LAMB1: variants seen among roughly 807,000 people sequenced by gnomAD.
The protein encoded by LAMB1 is laminin subunit beta-1.
Under a neutral mutation model 222.3 loss-of-function variants are expected in LAMB1, and 121 were observed. That is an observed-to-expected ratio of 0.54 (90% CI 0.47 to 0.63). The LOEUF is 0.63. Among genes scored for constraint, LAMB1 ranks in the 30% least tolerant of loss-of-function variants. The probability of loss-of-function intolerance (pLI) is 0.00; values close to 1 mark genes in which losing one functional copy is unlikely to be tolerated. For missense variants in LAMB1, 2,172 were observed against 2,240.8 expected (o/e 0.97, Z 0.62); for synonymous variants, 794 against 807.2 (o/e 0.98, Z 0.28).
At chr7:107,977,885 G>C (rs1194459901) in intron 9 of LAMB1, among the ~76,000 whole-genome samples, 162 bp downstream of exon 9, 1 of 152,204 alleles carries the variant, frequency 6.6e-6, no homozygotes, top group Non-Finnish European at 1.5e-5. Flanking sequence ...TTAATTAACT[G>C]AATGCAGATT....
intron 14 of LAMB1, 115 bp downstream of exon 14, chr7:107,964,437 T>C (rs944477504): frequency 8.3e-6 from 10 of 1,201,878 alleles, no homozygotes; most frequent in Middle Eastern, 2.0e-4. Context: ...CCTTATTTTG[T>C]GCTCACTGAC....
rs1419195003 is a variant in LAMB1, at chr7:107,975,263, A to T, written c.1340T>A (p.Leu447Ter). ...CDVCKEGFYD[L>*]SSEDPFGCKS... ...ACAACCAAATGGATCTTCACTGCTTAAATCATAGAAGCCTTCTTTGCAAAC... is the reference window on the plus strand; with the variant it reads ...ACAACCAAATGGATCTTCACTGCTTTAATCATAGAAGCCTTCTTTGCAAAC... The change falls in exon 11 of 34, where the codon TTA becomes TAA. Residue 447 changes from leucine (L) to a stop codon, truncating the protein, a stop_gained. Coordinates refer to ENST00000222399, the MANE Select transcript of LAMB1 (RefSeq NM_002291.3). LOFTEE classifies it high-confidence loss of function. 1 of 1,613,976 alleles carries T rather than the reference A, an allele frequency of 6.2e-7. No individual in the cohort carries two copies. The highest frequency in any genetic ancestry group is 8.5e-7 in the Non-Finnish European group (1 of 1,179,920).
At chr7:107,951,955 C>T in intron 23 of LAMB1, 54 bp downstream of exon 23, 4 of 1,483,172 alleles carry the variant, frequency 2.7e-6, no homozygotes, top group Non-Finnish European at 3.7e-6. Flanking sequence ...GCAAAGTCAC[C>T]ATGGGCTGAC....
rs1452253565 is a variant in LAMB1 at position 107,986,160 on chromosome 7, C to T, written c.612+15G>A. 1 of 1,612,964 alleles carries T rather than the reference C, an allele frequency of 6.2e-7. No individual in the cohort carries two copies. The highest frequency in any genetic ancestry group is 1.3e-5 in the African/African-American group (1 of 74,888). On this transcript the variant is annotated intron_variant, in intron 6 of 33. Coordinates refer to ENST00000222399, the MANE Select transcript of LAMB1 (RefSeq NM_002291.3). ...AGATTTGCAAGTAGAATGTAAAACA[C>T]AGAAGCAAACAAACCTCTCCTTCAG...
Position 107,929,509 on chromosome 7 carries a change from G to T in LAMB1, c.4648C>A (p.Arg1550=). Reference sequence around the variant, plus strand: ...TCTACTTGAGAAAGGCTTTCAACTCGTTCACGTATATCTTCTGTCAAGTTC... The same window carrying T: ...TCTACTTGAGAAAGGCTTTCAACTCTTTCACGTATATCTTCTGTCAAGTTC... ...LQNLTEDIRE[R]VESLSQVEVI... Residue 1550 remains arginine, a synonymous_variant, in exon 30 of 34, where the codon CGA becomes AGA. Transcript: ENST00000222399. The T allele has an allele frequency of 1.9e-6, 3 of 1,613,904 alleles. No homozygotes were observed. In the South Asian group the frequency reaches 3.3e-5, roughly 18 times the overall value.
intron 3 of LAMB1, among the ~76,000 whole-genome samples, chr7:108,001,343 A>G (rs1209142595): frequency 6.6e-6 from 1 of 152,202 alleles, no homozygotes; most frequent in Non-Finnish European, 1.5e-5. Flanking sequence ...CTGCCTTTCC[A>G]TACTCACCGC....
At chr7:107,935,679 CCA>C (rs754625913) in intron 26 of LAMB1, 23 bp from the exon 27 acceptor site, 5 of 1,609,684 alleles carry the variant, frequency 3.1e-6, no homozygotes, top group African/African-American at 1.3e-5. Context: ...ATGAAATTGC[CCA>C]CAGTTAACCT....
chr7:108,000,949 A>T (rs1173507760), intron 3 of LAMB1, among the ~76,000 whole-genome samples: 1 of 152,228 alleles, frequency 6.6e-6, no homozygotes, highest in Non-Finnish European at 1.5e-5. Flanking sequence ...ATGACCCCTG[A>T]AATCTAAAAT....
At chr7:107,955,719 GCA>G in intron 20 of LAMB1, 89 bp from the exon 21 acceptor site, 1 of 1,223,040 alleles carries the variant, frequency 8.2e-7, no homozygotes, top group East Asian at 2.6e-5. Context: ...TTCTGTTTGG[GCA>G]CACTCTTCTC....
chr7:107,997,968 G>A (rs2034311921), intron 4 of LAMB1, among the ~76,000 whole-genome samples: 1 of 152,184 alleles, frequency 6.6e-6, no homozygotes, highest in Non-Finnish European at 1.5e-5. Context: ...GGGGAGGAGT[G>A]GGGGCTATGA....
In LAMB1 at chr7:107,960,473, A is replaced by G. The variant is rs369680579; in HGVS notation, c.2286T>C (p.Ile762=). The part of the protein sequence containing the change: ...TDVCRNIIFS[I]SALLHQTGLA... ...GGCCTGTCTGGTGTAACAGGGCAGA[A>G]ATGCTAAAGATGATGTTTCTGCAAA... The change falls in exon 18 of 34, where the codon ATT becomes ATC. Residue 762 remains isoleucine (I), a synonymous_variant. Coordinates refer to ENST00000222399, the MANE Select transcript of LAMB1 (RefSeq NM_002291.3). The G allele has an allele frequency of 6.2e-7, 1 of 1,614,088 alleles. No individual in the cohort carries two copies. The highest frequency in any genetic ancestry group is 1.3e-5 in the African/African-American group (1 of 74,934).
chr7:107,944,850 C>A (rs1288692311), intron 24 of LAMB1, among the ~76,000 whole-genome samples: 1 of 152,184 alleles, frequency 6.6e-6, no homozygotes, highest in Non-Finnish European at 1.5e-5. Flanking sequence ...ACACACCCAC[C>A]AGGATCTGAA....
intron 20 of LAMB1, among the ~76,000 whole-genome samples, chr7:107,957,431 C>G (rs891806369): frequency 6.6e-6 from 1 of 152,124 alleles, no homozygotes; most frequent in Non-Finnish European, 1.5e-5. Flanking sequence ...GCCTGTAATC[C>G]CAGCTACTTG....
At chr7:107,996,556 G>A (rs1043434847) in intron 4 of LAMB1, among the ~76,000 whole-genome samples, 3 of 152,192 alleles carry the variant, frequency 2.0e-5, no homozygotes, top group South Asian at 2.1e-4. Context: ...AGATGATAGG[G>A]TATAGTAACA....
chr7:107,966,219 T>A (rs1429828671), intron 13 of LAMB1, among the ~76,000 whole-genome samples: 1 of 152,168 alleles, frequency 6.6e-6, no homozygotes, highest in Non-Finnish European at 1.5e-5. Context: ...ATTATTATTT[T>A]TTTATTTTTG....
At position 107,935,541 on chromosome 7, in the gene LAMB1, G is replaced by C; in HGVS notation, c.4062C>G (p.Asp1354Glu). ...STVEQSALMRDRVEDVMMERE... is the reference protein window; with the variant it reads ...STVEQSALMRERVEDVMMERE... ...GCTCCATCATCACGTCTTCTACTCT[G>C]TCTCTCATGAGGGCTGACTGCTCCA... Residue 1354 changes from aspartate to glutamate, a missense_variant, in exon 27 of 34, where the codon GAC (aspartate) becomes GAG (glutamate). Asp to Glu is a conservative substitution (Grantham distance 45). Transcript: ENST00000222399. 5 of 1,613,852 alleles carry C rather than the reference G, an allele frequency of 3.1e-6. No homozygotes were observed. The highest frequency in any genetic ancestry group is 4.2e-6 in the Non-Finnish European group (5 of 1,179,976).
chr7:107,952,279 G>A lies in LAMB1; in HGVS notation c.3080-56C>T, dbSNP rs560155463. 567 of 1,322,398 alleles carry A rather than the reference G, an allele frequency of 4.3e-4. 1 individual carries two copies. The highest frequency in any genetic ancestry group is 7.6e-4 in the Admixed American group (38 of 49,824). The allele number at this position is 1,322,398 out of a possible 1,614,324, so 81.9% of individuals were successfully genotyped here. A position where few individuals can be genotyped will look rare whatever the true frequency, so the allele number is the denominator to read the frequency against. ...CACACTCCCAAATACACAGGCATGC[G>A]GATGTTAGCCACATCTAAATGCTAA... On this transcript the variant is annotated intron_variant, in intron 22 of 33. Coordinates refer to ENST00000222399, the MANE Select transcript of LAMB1 (RefSeq NM_002291.3).
intron 22 of LAMB1, among the ~76,000 whole-genome samples, chr7:107,952,990 T>TCCTGTTATCTCTCCCAGG (rs1448390675): frequency 6.6e-6 from 1 of 152,162 alleles, no homozygotes; most frequent in East Asian, 1.9e-4. Context: ...GGTTTTTCTT[T>TCCTGTTATCTCTCCCAGG]CCTGTTATCT....
At chr7:107,949,900 T>C (rs1455229063) in intron 24 of LAMB1, among the ~76,000 whole-genome samples, 1 of 152,146 alleles carries the variant, frequency 6.6e-6, no homozygotes, top group Non-Finnish European at 1.5e-5. Context: ...TTTCTTGCTG[T>C]AGTTGTGTCC....
Sources: allele counts gnomAD v4.1 joint callset (sites outside exome capture counted in the v4.1 genomes callset), GRCh38; gene constraint gnomAD v4.1.1; transcripts MANE v1.5; gene names NCBI Gene and HGNC (gene_info 2026-07-23, HGNC 2026-07-21).